The following TBC1D16 variants were observed in gnomAD, a reference collection of about 807,000 sequenced individuals.
TBC1D16 encodes TBC1 domain family member 16, also known as CTD-2529O21.1.
Under a neutral mutation model 74.7 loss-of-function variants are expected in TBC1D16, and 58 were observed. The ratio of observed to expected loss-of-function variants is 0.78; its 90% CI spans 0.63 to 0.97. The LOEUF is 0.97. Among genes scored for constraint, TBC1D16 ranks in the 50% least tolerant of loss-of-function variants. TBC1D16 has a pLI of 0.00. For synonymous variants in TBC1D16, 493 were observed against 474.7 expected (o/e 1.04, Z -0.50); for missense variants, 1,014 against 1,079.5 (o/e 0.94, Z 0.85).
At chr17:79,949,685 G>GCGGGGTGGGCCGGGCTGGC in intron 7 of TBC1D16, 32 bp downstream of exon 7, 1 of 1,583,814 alleles carries the variant, frequency 6.3e-7, no homozygotes, top group Non-Finnish European at 8.6e-7. Flanking sequence ...CCGCGGCTCG[G>GCGGGGTGGGCCGGGCTGGC]CGGGGTGGGC....
At chr17:80,025,110 A>AC (rs1441139477) in intron 1 of TBC1D16, among the ~76,000 whole-genome samples, 1,008 of 10,732 alleles carry the variant, frequency 0.094, 282 homozygotes, top group African/African-American at 0.34. Context: ...ATATACACAC[A>AC]AACACCACAG....
At chr17:80,030,067 G>A (rs1430058233) in intron 1 of TBC1D16, among the ~76,000 whole-genome samples, 1 of 152,034 alleles carries the variant, frequency 6.6e-6, no homozygotes, top group Non-Finnish European at 1.5e-5. Flanking sequence ...ATATAACCCA[G>A]GATCATCCCC....
intron 3 of TBC1D16, among the ~76,000 whole-genome samples, chr17:79,969,244 G>A (rs2033972665): frequency 6.6e-6 from 1 of 151,940 alleles, no homozygotes; most frequent in East Asian, 1.9e-4. Context: ...AAATTAGCCG[G>A]GTGTGGTGGT....
At chr17:79,945,272 C>T (rs192168759) in intron 9 of TBC1D16, among the ~76,000 whole-genome samples, 185 bp from the exon 10 acceptor site, 128 of 152,334 alleles carry the variant, frequency 8.4e-4, no homozygotes, top group African/African-American at 3.0e-3. Context: ...TCGGCTCACA[C>T]CTGCCTCTGC....
In TBC1D16 at chr17:80,010,659, C is replaced by T; in HGVS notation, c.280G>A (p.Ala94Thr). 6.5e-7 allele frequency: 1 copy of T among 1,539,988 alleles called. No homozygotes were observed. The highest frequency in any genetic ancestry group is 8.7e-7 in the Non-Finnish European group (1 of 1,146,232). ...NSRIQRQDEE[A>T]LRYITPESSP... ...CTCTCGGGTGTGATGTAGCGCAGGG[C>T]CTCCTCGTCCTGCCTCTGGATGCGA... Residue 94 changes from alanine (A) to threonine (T), a missense_variant, in exon 3 of 12, where the codon GCC becomes ACC. Physicochemically the swap from Ala to Thr is moderately conservative, Grantham distance 58. Coordinates refer to ENST00000310924, the MANE Select transcript of TBC1D16 (RefSeq NM_019020.4). This position sits in a 1 kb window ranked among gnomAD's most constrained non-coding sequence, Gnocchi z 8.8.
chr17:80,027,081 T>C (rs2036604495), intron 1 of TBC1D16, among the ~76,000 whole-genome samples: 1 of 152,148 alleles, frequency 6.6e-6, no homozygotes, highest in South Asian at 2.1e-4. Flanking sequence ...TTCATCAAAA[T>C]CAAAATAGCA....
intron 3 of TBC1D16, among the ~76,000 whole-genome samples, chr17:79,973,249 G>A (rs2034188979): frequency 2.6e-5 from 4 of 151,968 alleles, no homozygotes; most frequent in Admixed American, 2.6e-4. Flanking sequence ...CTACAAATTA[G>A]GCACAGTAAG....
intron 3 of TBC1D16, among the ~76,000 whole-genome samples, chr17:80,006,493 G>A (rs528385459): frequency 4.9e-4 from 74 of 152,016 alleles, no homozygotes; most frequent in Middle Eastern, 3.4e-3. Flanking sequence ...CCCATCATAC[G>A]AAGGCCCCGG....
Position 79,941,381 on chromosome 17 carries a change from T to C in TBC1D16, c.2056-274A>G, listed in dbSNP as rs1362845448. 1.3e-5 allele frequency among the ~76,000 whole-genome samples: 2 copies of C among 152,134 alleles called. No individual in the cohort carries two copies. Among genetic ancestry groups the C allele is most frequent in the African/African-American group, 4.8e-5 (2 of 41,408 alleles). ...GAACAAGGCCCTTGAATGGGCTTCATTCAGGAGGGTGAACAGGACCAACAC... is the reference window on the plus strand; with the variant it reads ...GAACAAGGCCCTTGAATGGGCTTCACTCAGGAGGGTGAACAGGACCAACAC... On this transcript the variant is annotated intron_variant, in intron 11 of 11. Coordinates refer to ENST00000310924, the MANE Select transcript of TBC1D16 (RefSeq NM_019020.4). This position sits in a 1 kb window ranked among gnomAD's most constrained non-coding sequence, Gnocchi z 4.3.
intron 9 of TBC1D16, among the ~76,000 whole-genome samples, chr17:79,945,779 C>T (rs1184407700): frequency 3.3e-5 from 5 of 152,248 alleles, no homozygotes; most frequent in Non-Finnish European, 7.3e-5. Flanking sequence ...TGTGGACACC[C>T]GACGTCACAC....
Position 79,954,172 on chromosome 17 carries a change from G to C in TBC1D16, c.780-1354C>G, listed in dbSNP as rs958868707. 3.3e-5 allele frequency among the ~76,000 whole-genome samples: 5 copies of C among 152,164 alleles called. No individual in the cohort carries two copies. Among genetic ancestry groups the C allele is most frequent in the African/African-American group, 1.2e-4 (5 of 41,444 alleles). ...AACTGCAGCACCCCACAGAGACTCA[G>C]CCGCATTCACCGCACCTGCCTTCCC... On this transcript the variant is annotated intron_variant, in intron 3 of 11. Transcript: ENST00000310924. The surrounding 1 kb of genome is among the most constrained non-coding windows in gnomAD (Gnocchi z 5.5).
At chr17:79,943,934 C>T in intron 10 of TBC1D16, 1 of 1,460,968 alleles carries the variant, frequency 6.8e-7, no homozygotes, top group East Asian at 2.5e-5. Flanking sequence ...ACCGTCCATG[C>T]CGTGCTTCCC....
intron 3 of TBC1D16, among the ~76,000 whole-genome samples, chr17:79,964,110 G>A (rs1307850707): frequency 6.6e-6 from 1 of 152,080 alleles, no homozygotes; most frequent in Non-Finnish European, 1.5e-5. Flanking sequence ...CAAGTAGCTG[G>A]GATTACAGAC....
Position 79,950,317 on chromosome 17 carries a change from G to T in TBC1D16, c.1257+94C>A. On this transcript the variant is annotated intron_variant, in intron 6 of 11. Transcript: ENST00000310924. The surrounding 1 kb of genome is among the most constrained non-coding windows in gnomAD (Gnocchi z 4.6). Reference sequence around the variant, plus strand: ...ACGAGGAGGTGGCCCGTGGGTGCGGGCGGGCGGCCAGGCCCCGGCCCTCCT... The same window carrying T: ...ACGAGGAGGTGGCCCGTGGGTGCGGTCGGGCGGCCAGGCCCCGGCCCTCCT... 1.4e-6 allele frequency: 2 copies of T among 1,412,040 alleles called. No individual in the cohort carries two copies. The highest frequency in any genetic ancestry group is 1.9e-6 in the Non-Finnish European group (2 of 1,071,562). The allele number at this position is 1,412,040 out of a possible 1,614,324, so 87.5% of individuals were successfully genotyped here. A position where few individuals can be genotyped will look rare whatever the true frequency, so the allele number is the denominator to read the frequency against.
chr17:79,943,618 G>A (rs1050168266), intron 10 of TBC1D16, among the ~76,000 whole-genome samples: 9 of 137,238 alleles, frequency 6.6e-5, no homozygotes, highest in East Asian at 2.1e-4. Context: ...GGGACCGACC[G>A]TGGCTAAATC....
At chr17:80,013,640 G>T in intron 1 of TBC1D16, 31 bp from the exon 2 acceptor site, 1 of 1,349,424 alleles carries the variant, frequency 7.4e-7, no homozygotes, top group Non-Finnish European at 9.9e-7. Context: ...AGATGGTCAA[G>T]GTTGTGGACT....
At chr17:80,024,563 C>CCACACACCATAA (rs1568648663) in intron 1 of TBC1D16, among the ~76,000 whole-genome samples, 1 of 59,226 alleles carries the variant, frequency 1.7e-5, no homozygotes, top group Admixed American at 1.6e-4. Context: ...ACACCACACA[C>CCACACACCATAA]GACACACCAT....
chr17:80,016,335 G>A (rs2144712065), intron 1 of TBC1D16, among the ~76,000 whole-genome samples: 1 of 152,258 alleles, frequency 6.6e-6, no homozygotes, highest in South Asian at 2.1e-4. Flanking sequence ...CCTGGAGGTG[G>A]ACAGTGGCGG....
At chr17:80,006,067 G>A (rs2035664141) in intron 3 of TBC1D16, among the ~76,000 whole-genome samples, 1 of 152,094 alleles carries the variant, frequency 6.6e-6, no homozygotes, top group South Asian at 2.1e-4. Flanking sequence ...ACGCCCCACC[G>A]CTCAGAGTGG....
Sources: gnomAD v4.1 joint callset for allele counts (sites outside exome capture counted in the v4.1 genomes callset) on GRCh38, gnomAD v4.1.1 for gene constraint, Gnocchi (gnomAD v3.1) non-coding constraint, MANE v1.5 for transcripts, NCBI Gene and HGNC (gene_info 2026-07-23, HGNC 2026-07-21) for gene names.